B3GNT7: variants seen among roughly 807,000 people sequenced by gnomAD.
The protein encoded by B3GNT7 is BGnT-7.
In B3GNT7, 9 loss-of-function variants were observed where a neutral mutation model predicts 5.1. The ratio of observed to expected loss-of-function variants is 1.77; its 90% CI spans 1.07 to 3.09. The LOEUF (loss-of-function observed/expected upper bound fraction) is 3.09, where lower values mean the gene tolerates loss of function less well. B3GNT7 is among the 30% of genes most tolerant of loss of function. The pLI, the probability that B3GNT7 is intolerant of heterozygous loss-of-function variation, is 0.00. For missense variants in B3GNT7, 468 were observed against 550.8 expected (o/e 0.85, Z 1.50); for synonymous variants, 253 against 248.6 (o/e 1.02, Z -0.17).
chr2:231,397,931 C>T lies in B3GNT7; in HGVS notation c.212C>T (p.Pro71Leu), dbSNP rs2046528809. Residue 71 changes from proline (P) to leucine (L), a missense_variant, in exon 2 of 2, where the codon CCC (proline) becomes CTC (leucine). By Grantham distance (98) the Pro-to-Leu change is moderately conservative (BLOSUM62 -3). Transcript: ENST00000287590. ...FWKNPKDVAA[P>L]TPMASQGPQA... ...AAGAACCCGAAAGATGTGGCTGCGC[C>T]CACGCCCATGGCCTCTCAGGGGCCC... 1 of 1,613,348 alleles carries T rather than the reference C, an allele frequency of 6.2e-7. No homozygotes were observed. The highest frequency in any genetic ancestry group is 1.3e-5 in the African/African-American group (1 of 75,058).
chr2:231,399,153 G>A lies in B3GNT7; in HGVS notation c.*228G>A. On this transcript the variant is annotated 3_prime_UTR_variant, in exon 2 of 2. Transcript: ENST00000287590. ...AGGAACGGTTGGAGCTGCCCAGTCT[G>A]GAGGCCCTCTCTGAGGAGCGAGGCG... 1 of 560,222 alleles carries A rather than the reference G, an allele frequency of 1.8e-6. No individual in the cohort carries two copies. Among genetic ancestry groups the A allele is most frequent in the Non-Finnish European group, 3.2e-6 (1 of 315,754 alleles). 34.7% of individuals were successfully genotyped at this position (560,222 alleles called of 1,614,324 possible). A position where few individuals can be genotyped will look rare whatever the true frequency, so the allele number is the denominator to read the frequency against.
Position 231,398,207 on chromosome 2 carries a change from C to G in B3GNT7, c.488C>G (p.Ser163Cys). The change falls in exon 2 of 2, where the codon TCC (serine) becomes TGC (cysteine). Residue 163 changes from serine to cysteine, a missense_variant. Physicochemically the swap from Ser to Cys is moderately radical, Grantham distance 112 (BLOSUM62 -1). Transcript: ENST00000287590. ...IRQTWGRERQ[S>C]AGGGRGAVRT... ...CAGACCTGGGGCCGCGAGCGGCAGT[C>G]CGCGGGTGGGGGCCGAGGCGCCGTG... The G allele has an allele frequency of 6.3e-7, 1 of 1,596,382 alleles. No homozygotes were observed. Among genetic ancestry groups the G allele is most frequent in the Non-Finnish European group, 8.5e-7 (1 of 1,171,116 alleles).
chr2:231,397,609 G>A, intron 1 of B3GNT7, 122 bp from the exon 2 acceptor site: 1 of 917,810 alleles, frequency 1.1e-6, no homozygotes, highest in Non-Finnish European at 1.6e-6. Flanking sequence ...GGGACTCCGG[G>A]ACTGAGCCTG....
Position 231,395,953 on chromosome 2 carries a change from C to CG in B3GNT7, c.11+144dup. 1.9e-6 allele frequency: 1 copy of CG among 520,596 alleles called. No homozygotes were observed. Among genetic ancestry groups the CG allele is most frequent in the East Asian group, 6.5e-5 (1 of 15,404 alleles). The allele number at this position is 520,596 out of a possible 1,614,324, so 32.2% of individuals were successfully genotyped here. A position where few individuals can be genotyped will look rare whatever the true frequency, so the allele number is the denominator to read the frequency against. On this transcript the variant is annotated intron_variant, in intron 1 of 1. Transcript: ENST00000287590. This position sits in a 1 kb window ranked among gnomAD's most constrained non-coding sequence, Gnocchi z 7.3. ...GCGCGCCGCGCCGGCCTCAGTTTCC[C>CG]GGGGGCGGATGGGCGGGCGGGCGCG...
chr2:231,396,256 C>A (rs1461613504), intron 1 of B3GNT7, among the ~76,000 whole-genome samples: 1 of 152,154 alleles, frequency 6.6e-6, no homozygotes, highest in African/African-American at 2.4e-5. Flanking sequence ...CCCTCCCGGG[C>A]TTTCCCTACG....
In B3GNT7 at chr2:231,397,801, A is replaced by G. The variant is rs1473721051; in HGVS notation, c.82A>G (p.Ser28Gly). 1 of 1,613,752 alleles carries G rather than the reference A, an allele frequency of 6.2e-7. No individual in the cohort carries two copies. The highest frequency in any genetic ancestry group is 8.5e-7 in the Non-Finnish European group (1 of 1,179,874). ...LLVAVTVFQR[S>G]LTPGQFLQEP... ...CGTGGCCGTGACGGTGTTCCAACGC[A>G]GTCTCACCCCTGGTCAGTTTCTGCA... is the stretch of plus-strand genomic sequence containing the variant. The change falls in exon 2 of 2, where the codon AGT (serine) becomes GGT (glycine). Residue 28 changes from serine to glycine, a missense_variant. By Grantham distance (56) the Ser-to-Gly change is moderately conservative. Transcript: ENST00000287590.
chr2:231,398,272 G>A lies in B3GNT7; in HGVS notation c.553G>A (p.Glu185Lys). The A allele has an allele frequency of 6.2e-7, 1 of 1,612,924 alleles. No individual in the cohort carries two copies. The highest frequency in any genetic ancestry group is 8.5e-7 in the Non-Finnish European group (1 of 1,179,850). Residue 185 changes from glutamate to lysine, a missense_variant, in exon 2 of 2, where the codon GAG (glutamate) becomes AAG (lysine). By Grantham distance (56) the Glu-to-Lys change is moderately conservative (BLOSUM62 1). Coordinates refer to ENST00000287590, the MANE Select transcript of B3GNT7 (RefSeq NM_145236.3). ...FLLGTASKQE[E>K]RTHYQQLLAY... ...GCTGGGCACGGCCTCCAAGCAGGAG[G>A]AGCGCACGCACTACCAGCAGCTGCT... is the stretch of plus-strand genomic sequence containing the variant.
Position 231,398,568 on chromosome 2 carries a change from C to T in B3GNT7, c.849C>T (p.Tyr283=). Residue 283 remains tyrosine (Y), a synonymous_variant, in exon 2 of 2, where the codon TAC becomes TAT. Transcript: ENST00000287590. ...RPIRRKDNKY[Y]IPGALYGKAS... is the part of the protein sequence containing the mutation. Reference sequence around the variant, plus strand: ...TTCGCAGGAAAGACAACAAATACTACATCCCGGGGGCCCTGTACGGCAAGG... The same window carrying T: ...TTCGCAGGAAAGACAACAAATACTATATCCCGGGGGCCCTGTACGGCAAGG... 1 of 1,613,096 alleles carries T rather than the reference C, an allele frequency of 6.2e-7. No homozygotes were observed. The highest frequency in any genetic ancestry group is 8.5e-7 in the Non-Finnish European group (1 of 1,179,602).
Position 231,398,963 on chromosome 2 carries a change from T to C in B3GNT7, c.*38T>C. 1 of 1,503,138 alleles carries C rather than the reference T, an allele frequency of 6.7e-7. No homozygotes were observed. Among genetic ancestry groups the C allele is most frequent in the Non-Finnish European group, 8.9e-7 (1 of 1,122,362 alleles). 93.1% of individuals were successfully genotyped at this position (1,503,138 alleles called of 1,614,324 possible). A position where few individuals can be genotyped will look rare whatever the true frequency, so the allele number is the denominator to read the frequency against. On this transcript the variant is annotated 3_prime_UTR_variant, in exon 2 of 2. Coordinates refer to ENST00000287590, the MANE Select transcript of B3GNT7 (RefSeq NM_145236.3). ...TACTAGGACAGGCCAGGGCACTTGC[T>C]CCTGAGCCCCCATGGTATTGGGGCT...
rs761292125 is a variant in B3GNT7 at position 231,397,711 on chromosome 2, C to G, written c.12-20C>G. The G allele has an allele frequency of 2.5e-6, 4 of 1,591,194 alleles. No individual in the cohort carries two copies. In the South Asian group the frequency reaches 4.6e-5, roughly 18 times the overall value. On this transcript the variant is annotated intron_variant, in intron 1 of 1. Coordinates refer to ENST00000287590, the MANE Select transcript of B3GNT7 (RefSeq NM_145236.3). Reference sequence around the variant, plus strand: ...GCTCATCTTTTCTCTCTCCTCTGTACTGTCCGCTCTCCCCCACAGGAAGAA... The same window carrying G: ...GCTCATCTTTTCTCTCTCCTCTGTAGTGTCCGCTCTCCCCCACAGGAAGAA...
rs773378467 is a variant in B3GNT7 at position 231,397,782 on chromosome 2, C to T, written c.63C>T (p.Ala21=). The part of the protein sequence containing the change: ...SLCLALALLV[A]VTVFQRSLTP... ...GCCTGGCCCTGGCCCTGCTCGTGGC[C>T]GTGACGGTGTTCCAACGCAGTCTCA... Residue 21 remains alanine, a synonymous_variant, in exon 2 of 2, where the codon GCC becomes GCT. Transcript: ENST00000287590. The T allele has an allele frequency of 1.2e-5, 19 of 1,613,778 alleles. No individual in the cohort carries two copies. Among genetic ancestry groups the T allele is most frequent in the Middle Eastern group, 1.6e-4 (1 of 6,062 alleles).
rs528856228 is a variant in B3GNT7, at chr2:231,399,341, G to A, written c.*416G>A. 1.1e-5 allele frequency: 2 copies of A among 176,310 alleles called. No individual in the cohort carries two copies. The highest frequency in any genetic ancestry group is 4.8e-5 in the African/African-American group (2 of 42,074). 10.9% of individuals were successfully genotyped at this position (176,310 alleles called of 1,614,324 possible). A position where few individuals can be genotyped will look rare whatever the true frequency, so the allele number is the denominator to read the frequency against. ...TCGTCTTCACAGGGAAGAGTCTTCT[G>A]TGAAATGCCTCAGTCTCCCCAGAGG... On this transcript the variant is annotated 3_prime_UTR_variant, in exon 2 of 2. Transcript: ENST00000287590.
intron 1 of B3GNT7, among the ~76,000 whole-genome samples, chr2:231,397,513 T>G (rs1373431591): frequency 3.3e-5 from 5 of 152,010 alleles, no homozygotes; most frequent in African/African-American, 1.2e-4. Context: ...AGGGCCTGAT[T>G]CCACAGTGCT....
At position 231,397,746 on chromosome 2, in the gene B3GNT7, C is replaced by T; in HGVS notation, c.27C>T (p.Tyr9=). The change falls in exon 2 of 2, where the codon TAC becomes TAT. Residue 9 remains tyrosine, a synonymous_variant. Transcript: ENST00000287590. ...TCCCCCACAGGAAGAAAACCGTCTA[C>T]CGGAGTCTGTGCCTGGCCCTGGCCC... is the stretch of plus-strand genomic sequence containing the variant. MSLWKKTV[Y]RSLCLALALL... 4 of 1,612,686 alleles carry T rather than the reference C, an allele frequency of 2.5e-6. No homozygotes were observed. The highest frequency in any genetic ancestry group is 3.4e-6 in the Non-Finnish European group (4 of 1,179,522).
rs1235326913 is a variant in B3GNT7 at position 231,400,747 on chromosome 2, C to T, written c.*1822C>T. 1 of 152,238 alleles carries T rather than the reference C, an allele frequency of 6.6e-6. No individual in the cohort carries two copies. Among genetic ancestry groups the T allele is most frequent in the Non-Finnish European group, 1.5e-5 (1 of 68,046 alleles). The allele number at this position is 152,238 out of a possible 1,614,324, so 9.4% of individuals were successfully genotyped here. A position where few individuals can be genotyped will look rare whatever the true frequency, so the allele number is the denominator to read the frequency against. On this transcript the variant is annotated 3_prime_UTR_variant, in exon 2 of 2. Transcript: ENST00000287590. ...GACCACCACTTCTCCTGTTGTCCTT[C>T]CCAGCTTCTCCCCAACCTCCCCTTT... is the stretch of plus-strand genomic sequence containing the variant.
intron 1 of B3GNT7, among the ~76,000 whole-genome samples, chr2:231,396,165 C>G (rs1169885870): frequency 6.6e-6 from 1 of 152,066 alleles, no homozygotes; most frequent in Non-Finnish European, 1.5e-5. Context: ...CCTGAGGGCC[C>G]CCTGCGTCCG....
rs553221468 is a variant in B3GNT7, at chr2:231,395,963, TGGGC to T, written c.11+159_11+162del. The stretch of plus-strand genomic sequence containing the variant: ...CCGGCCTCAGTTTCCCGGGGGCGGA[TGGGC>T]GGGCGGGCGCGGCGGCGGCGGCGGG... On this transcript the variant is annotated intron_variant, in intron 1 of 1. Transcript: ENST00000287590. The surrounding 1 kb of genome is among the most constrained non-coding windows in gnomAD (Gnocchi z 7.3). 1,184 of 451,262 alleles carry T rather than the reference TGGGC, an allele frequency of 2.6e-3. 10 individuals are homozygous for T. The highest frequency in any genetic ancestry group is 0.024 in the African/African-American group (1,110 of 46,462). 28.0% of individuals were successfully genotyped at this position (451,262 alleles called of 1,614,324 possible).
rs886183260 is a variant in B3GNT7 at position 231,399,122 on chromosome 2, A to C, written c.*197A>C. The stretch of plus-strand genomic sequence containing the variant: ...CTGTGTGGATAATTCTAGGAAACTG[A>C]GGCCCAGGAACGGTTGGAGCTGCCC... On this transcript the variant is annotated 3_prime_UTR_variant, in exon 2 of 2. Transcript: ENST00000287590. The C allele has an allele frequency of 2.5e-5, 15 of 598,234 alleles. No individual in the cohort carries two copies. The South Asian group carries it at 2.5e-4, about 10-fold the overall frequency. 37.1% of individuals were successfully genotyped at this position (598,234 alleles called of 1,614,324 possible).
chr2:231,395,814 G>T lies in B3GNT7; in HGVS notation c.11G>T (p.Trp4Leu). Residue 4 changes from tryptophan to leucine, a missense_variant and splice_region_variant, in exon 1 of 2, where the codon TGG (tryptophan) becomes TTG (leucine). Physicochemically the swap from Trp to Leu is moderately conservative, Grantham distance 61. Coordinates refer to ENST00000287590, the MANE Select transcript of B3GNT7 (RefSeq NM_145236.3). This position sits in a 1 kb window ranked among gnomAD's most constrained non-coding sequence, Gnocchi z 7.3. The part of the protein sequence containing the change: MSL[W>L]KKTVYRSLCL... The stretch of plus-strand genomic sequence containing the variant: ...CCGGCCCGGGCCGCCATGTCGCTGT[G>T]GTGAGTGGGGCTGGGGGCCGTCGGG... 2 of 1,169,064 alleles carry T rather than the reference G, an allele frequency of 1.7e-6. No homozygotes were observed. Among genetic ancestry groups the T allele is most frequent in the Non-Finnish European group, 2.1e-6 (2 of 947,930 alleles). 72.4% of individuals were successfully genotyped at this position (1,169,064 alleles called of 1,614,324 possible).
Sources: allele counts gnomAD v4.1 joint callset (sites outside exome capture counted in the v4.1 genomes callset), GRCh38; gene constraint gnomAD v4.1.1; non-coding constraint Gnocchi (gnomAD v3.1); transcripts MANE v1.5; gene names NCBI Gene and HGNC (gene_info 2026-07-23, HGNC 2026-07-21).